The following EIF1AX variants were observed in gnomAD, a reference collection of about 807,000 sequenced individuals.
The protein encoded by EIF1AX is eukaryotic translation initiation factor 1A, X-chromosomal.
In EIF1AX, 1 loss-of-function variant was observed where a neutral mutation model predicts 16.1. That is an observed-to-expected ratio of 0.06 (90% CI 0.02 to 0.30). EIF1AX has a LOEUF of 0.30. Among genes scored for constraint, EIF1AX ranks in the 10% least tolerant of loss-of-function variants. The pLI is 1.00. For missense variants in EIF1AX, 11 were observed against 109.1 expected, an observed-to-expected ratio of 0.10 and a Z score of 4.00; for synonymous variants, 32 against 37.3, an observed-to-expected ratio of 0.86 and a Z score of 0.51.
chrX:20,137,994 GTTTTTTTTTTTTTTTTT>G (rs72040979), intron 2 of EIF1AX, among the ~76,000 whole-genome samples: 8 of 36,762 alleles, frequency 2.2e-4, no homozygotes, highest in African/African-American at 9.6e-4. Flanking sequence ...TCTCTATACA[GTTTTTTTTTTTTTTTTT>G]TTTTTTTTTT....
chrX:20,125,441 G>A lies in EIF1AX; in HGVS notation c.*2865C>T. 1 of 171,605 alleles carries A rather than the reference G, an allele frequency of 5.8e-6. No homozygotes were observed. The highest frequency in any genetic ancestry group is 1.1e-5 in the Non-Finnish European group (1 of 89,105). 14.1% of individuals were successfully genotyped at this position (171,605 alleles called of 1,213,427 possible). On this transcript the variant is annotated 3_prime_UTR_variant, in exon 7 of 7. Transcript: ENST00000379607. ...GCAAAAGTTCATGGGAGTCCAAAGA[G>A]TATAAATAAAACTTACCCTTACGAA...
chrX:20,130,686 A>G (rs2066998807), intron 5 of EIF1AX, 79 bp from the exon 6 acceptor site: 3 of 911,812 alleles, frequency 3.3e-6, no homozygotes, highest in East Asian at 3.8e-5. Flanking sequence ...TTCCTTTTAT[A>G]TAAGACAATA....
chrX:20,141,609 G>A lies in EIF1AX; in HGVS notation c.16+16C>T, dbSNP rs1319817372. On this transcript the variant is annotated intron_variant, in intron 1 of 6. Coordinates refer to ENST00000379607, the MANE Select transcript of EIF1AX (RefSeq NM_001412.4). ...GGCCGAGCAGAGCCGTGGTCCGGGG[G>A]TCCGGGCGGCATTACCTTTATTCTT... 6 of 1,153,654 alleles carry A rather than the reference G, an allele frequency of 5.2e-6. No homozygotes were observed. The highest frequency in any genetic ancestry group is 6.8e-5 in the East Asian group (2 of 29,480).
At chrX:20,128,404 G>T in intron 6 of EIF1AX, 93 bp from the exon 7 acceptor site, 2 of 733,495 alleles carry the variant, frequency 2.7e-6, no homozygotes, top group Non-Finnish European at 3.9e-6. Flanking sequence ...ACCTCCTTAG[G>T]CTATGTGAGA....
intron 2 of EIF1AX, among the ~76,000 whole-genome samples, chrX:20,137,210 C>T (rs761268202): frequency 6.9e-4 from 77 of 111,329 alleles, no homozygotes; most frequent in Non-Finnish European, 1.1e-3. Flanking sequence ...TTTCGGAGGC[C>T]GAGACGGGTG....
At chrX:20,133,666 ACTTT>A (rs1327387392) in intron 4 of EIF1AX, among the ~76,000 whole-genome samples, 3 of 111,421 alleles carry the variant, frequency 2.7e-5, no homozygotes, top group African/African-American at 6.5e-5. Flanking sequence ...GGCAACCACC[ACTTT>A]CTTTCTTTCC....
At chrX:20,132,313 TCA>T (rs769504359) in intron 4 of EIF1AX, 50 bp from the exon 5 acceptor site, 7 of 785,268 alleles carry the variant, frequency 8.9e-6, no homozygotes, top group Admixed American at 8.2e-5. Context: ...CAAAATATTA[TCA>T]GTTATTTCAT....
chrX:20,141,137 G>A (rs1436294741), intron 1 of EIF1AX, among the ~76,000 whole-genome samples: 1 of 111,682 alleles, frequency 9.0e-6, no homozygotes, highest in Non-Finnish European at 1.9e-5. Context: ...TGTTCACAAG[G>A]GACAGCGAGT....
At chrX:20,137,693 T>C (rs1156333363) in intron 2 of EIF1AX, among the ~76,000 whole-genome samples, 2 of 111,959 alleles carry the variant, frequency 1.8e-5, no homozygotes, top group South Asian at 3.7e-4. Context: ...TTCATTTTAT[T>C]GTAGTTTACG....
At chrX:20,130,376 A>C (rs376678338) in intron 6 of EIF1AX, 140 bp downstream of exon 6, 1 of 497,081 alleles carries the variant, frequency 2.0e-6, no homozygotes, top group East Asian at 5.2e-5. Flanking sequence ...CTTCTAAATA[A>C]TATTATTTAA....
intron 5 of EIF1AX, 151 bp downstream of exon 5, chrX:20,132,031 G>A: frequency 3.0e-6 from 1 of 328,226 alleles, no homozygotes; most frequent in Non-Finnish European, 5.5e-6. Context: ...CTTTCTTATA[G>A]TATCTAGTAT....
At chrX:20,137,072 T>C (rs759084249) in intron 2 of EIF1AX, among the ~76,000 whole-genome samples, 4 of 111,801 alleles carry the variant, frequency 3.6e-5, no homozygotes, top group Admixed American at 1.9e-4. Context: ...TAAGAAAATA[T>C]ACTTGCACTT....
intron 5 of EIF1AX, among the ~76,000 whole-genome samples, chrX:20,131,652 T>C (rs2067001577): frequency 9.3e-6 from 1 of 107,460 alleles, no homozygotes; most frequent in Non-Finnish European, 1.9e-5. Context: ...TCAGTAACTG[T>C]ACCTAATTAC....
intron 2 of EIF1AX, among the ~76,000 whole-genome samples, chrX:20,137,226 C>T (rs1477941859): frequency 9.0e-6 from 1 of 111,136 alleles, no homozygotes; most frequent in African/African-American, 3.3e-5. Flanking sequence ...GGGTGGATCA[C>T]GAGGTTAGGA....
intron 6 of EIF1AX, 149 bp from the exon 7 acceptor site, chrX:20,128,460 A>G (rs1603414869): frequency 4.9e-6 from 2 of 408,303 alleles, no homozygotes; most frequent in African/African-American, 2.5e-5. Flanking sequence ...CTGGCCTGCT[A>G]TAAGTAAATC....
intron 3 of EIF1AX, 123 bp downstream of exon 3, chrX:20,135,615 C>T (rs1231878192): frequency 2.1e-6 from 1 of 467,083 alleles, no homozygotes; most frequent in Non-Finnish European, 3.8e-6. Context: ...ATAGGTAAAT[C>T]ACTGTTTACC....
chrX:20,129,682 G>C (rs2066995196), intron 6 of EIF1AX, among the ~76,000 whole-genome samples: 1 of 111,992 alleles, frequency 8.9e-6, no homozygotes, highest in Non-Finnish European at 1.9e-5. Flanking sequence ...TGCAAACCAA[G>C]AGTTTGCCAA....
At chrX:20,134,731 C>T (rs1365437800) in intron 3 of EIF1AX, among the ~76,000 whole-genome samples, 1 of 109,292 alleles carries the variant, frequency 9.1e-6, no homozygotes, top group Admixed American at 9.7e-5. Context: ...GAGTGAGACT[C>T]TGTCTCAAAA....
intron 1 of EIF1AX, chrX:20,140,332 T>C (rs1247977506): frequency 5.3e-5 from 6 of 112,322 alleles, no homozygotes; most frequent in Admixed American, 9.4e-5. Context: ...TCCTGCCTTG[T>C]AGAGCTTACA....
Sources: allele counts gnomAD v4.1 joint callset (sites outside exome capture counted in the v4.1 genomes callset), GRCh38; gene constraint gnomAD v4.1.1; transcripts MANE v1.5; gene names NCBI Gene and HGNC (gene_info 2026-07-23, HGNC 2026-07-21).